Variants in ZNG1E observed in about 807,000 individuals in gnomAD.
ZNG1E encodes zinc-regulated GTPase metalloprotein activator 1E.
At chr9:65,664,331 G>C in the ZNG1E span, among the ~76,000 whole-genome samples, 1 of 148,542 alleles carries the variant, frequency 6.7e-6, no homozygotes, top group South Asian at 2.1e-4. Flanking sequence ...GGGGGGACCC[G>C]GTGGGAGGTA....
chr9:65,667,903 A>G, the ZNG1E span, among the ~76,000 whole-genome samples: 4 of 137,632 alleles, frequency 2.9e-5, no homozygotes, highest in Non-Finnish European at 6.3e-5. Flanking sequence ...GGCTGAGGCA[A>G]GAGAATTGCC....
the ZNG1E span, among the ~76,000 whole-genome samples, chr9:65,685,345 A>T: frequency 6.6e-6 from 1 of 152,246 alleles, no homozygotes; most frequent in African/African-American, 2.4e-5. Flanking sequence ...TTCATAAAAG[A>T]TGTCTCTATA....
the ZNG1E span, among the ~76,000 whole-genome samples, chr9:65,726,487 TTA>T: frequency 0.1 from 3,649 of 35,094 alleles, no homozygotes; most frequent in Middle Eastern, 0.22. Context: ...TGTAAGGATA[TTA>T]AAAAAAAAAA....
chr9:65,721,041 A>G, the ZNG1E span, among the ~76,000 whole-genome samples: 20 of 150,632 alleles, frequency 1.3e-4, no homozygotes, highest in African/African-American at 5.0e-4. Flanking sequence ...CATGAAGCAC[A>G]TTTGAGCTTC....
At chr9:65,672,292 A>T in the ZNG1E span, among the ~76,000 whole-genome samples, 1 of 152,108 alleles carries the variant, frequency 6.6e-6, no homozygotes. Context: ...TTTACCCTAA[A>T]GTAAATGAGA....
At chr9:65,673,586 A>AG in the ZNG1E span, among the ~76,000 whole-genome samples, 2 of 152,226 alleles carry the variant, frequency 1.3e-5, no homozygotes, top group Non-Finnish European at 2.9e-5. Flanking sequence ...GCTCATTGTT[A>AG]GAGATGAGAC....
At chr9:65,709,218 CTA>C in the ZNG1E span, among the ~76,000 whole-genome samples, 1 of 144,874 alleles carries the variant, frequency 6.9e-6, no homozygotes, top group Non-Finnish European at 1.5e-5. Flanking sequence ...ACACCAAACA[CTA>C]TGTCTAATAC....
chr9:65,704,675 G>C, the ZNG1E span: 9 of 730,846 alleles, frequency 1.2e-5, no homozygotes, highest in South Asian at 5.8e-4. Context: ...CACTTTGGGA[G>C]GCCAAGGTGG....
At chr9:65,710,018 G>A in the ZNG1E span, among the ~76,000 whole-genome samples, 2 of 147,098 alleles carry the variant, frequency 1.4e-5, no homozygotes, top group Non-Finnish European at 1.5e-5. Flanking sequence ...AGCACGTGTT[G>A]TTTCCTGACT....
At chr9:65,693,555 T>TTC in the ZNG1E span, 3 of 882,662 alleles carry the variant, frequency 3.4e-6, no homozygotes, top group African/African-American at 6.5e-5. Flanking sequence ...CATGTTAATT[T>TTC]TTTTTTTTTT....
At chr9:65,667,157 C>T in the ZNG1E span, among the ~76,000 whole-genome samples, 2 of 152,260 alleles carry the variant, frequency 1.3e-5, no homozygotes, top group Non-Finnish European at 2.9e-5. Flanking sequence ...AATAGCTAAG[C>T]TATACTTTAG....
At chr9:65,678,493 G>A in the ZNG1E span, among the ~76,000 whole-genome samples, 1 of 141,090 alleles carries the variant, frequency 7.1e-6, no homozygotes, top group African/African-American at 2.8e-5. Flanking sequence ...AAAGTTTTTA[G>A]CAGCACTGTA....
the ZNG1E span, among the ~76,000 whole-genome samples, chr9:65,686,978 A>G: frequency 1.3e-5 from 2 of 151,780 alleles, no homozygotes; most frequent in Non-Finnish European, 2.9e-5. Flanking sequence ...AGGCTGTTTT[A>G]TTATCATTTG....
the ZNG1E span, among the ~76,000 whole-genome samples, chr9:65,668,559 C>T: frequency 0.013 from 1,985 of 148,864 alleles, no homozygotes; most frequent in Middle Eastern, 0.025. Flanking sequence ...GAAACAAGGT[C>T]TTTCTCTCTC....
the ZNG1E span, among the ~76,000 whole-genome samples, chr9:65,661,814 T>C: frequency 6.6e-6 from 1 of 152,218 alleles, no homozygotes; most frequent in African/African-American, 2.4e-5. Context: ...GAAAGTGTTC[T>C]AAAACTGGAT....
the ZNG1E span, among the ~76,000 whole-genome samples, chr9:65,654,184 AG>A: frequency 6.6e-6 from 1 of 151,934 alleles, no homozygotes; most frequent in Non-Finnish European, 1.5e-5. Context: ...GGTTTTATCC[AG>A]GACTTTTCCC....
the ZNG1E span, among the ~76,000 whole-genome samples, chr9:65,671,575 T>A: frequency 6.6e-6 from 1 of 152,214 alleles, no homozygotes; most frequent in Non-Finnish European, 1.5e-5. Context: ...CCGCCCTGGC[T>A]TTCCAAAGTG....
the ZNG1E span, among the ~76,000 whole-genome samples, chr9:65,671,518 C>T: frequency 3.3e-5 from 5 of 152,082 alleles, no homozygotes; most frequent in African/African-American, 1.2e-4. Flanking sequence ...TGGGGTTTTG[C>T]CACGTTGGCC....
chr9:65,719,457 A>G, the ZNG1E span: 5 of 131,430 alleles, frequency 3.8e-5, 1 homozygote, highest in South Asian at 1.2e-3. Flanking sequence ...TTGTTATGCC[A>G]TGTTGATCTT....
Sources: gnomAD v4.1 joint callset for allele counts (sites outside exome capture counted in the v4.1 genomes callset) on GRCh38, gnomAD v4.1.1 for gene constraint, MANE v1.5 for transcripts, NCBI Gene and HGNC (gene_info 2026-07-23, HGNC 2026-07-21) for gene names.